Variants in EPB41L5 observed in about 807,000 individuals in gnomAD.
The protein encoded by EPB41L5 is erythrocyte membrane protein band 4.1 like 5.
EPB41L5 carries 55 observed loss-of-function variants against 106.6 expected under a neutral mutation model. The observed-to-expected ratio is 0.52, with a 90% CI of 0.42 to 0.65. The LOEUF (loss-of-function observed/expected upper bound fraction) is 0.65, where lower values mean the gene tolerates loss of function less well. Among genes scored for constraint, EPB41L5 ranks in the 30% least tolerant of loss-of-function variants. EPB41L5 has a pLI of 0.00. For missense variants in EPB41L5, 871 were observed against 882.1 expected, an observed-to-expected ratio of 0.99 and a Z score of 0.16; for synonymous variants, 297 against 306.7, an observed-to-expected ratio of 0.97 and a Z score of 0.33.
chr2:120,164,811 A>G, intron 21 of EPB41L5, 25 bp from the exon 22 acceptor site: 1 of 1,560,410 alleles, frequency 6.4e-7, no homozygotes, highest in Non-Finnish European at 8.7e-7. Context: ...GTCATTTAAC[A>G]ATTCTAGATT....
At chr2:120,140,638 T>C (rs1301224694) in intron 18 of EPB41L5, among the ~76,000 whole-genome samples, 6 of 152,054 alleles carry the variant, frequency 3.9e-5, no homozygotes, top group African/African-American at 1.4e-4. Flanking sequence ...GACATGCTCA[T>C]TGGAGCATTT....
At chr2:120,061,233 T>TA (rs1199119002) in intron 3 of EPB41L5, among the ~76,000 whole-genome samples, 10 of 148,038 alleles carry the variant, frequency 6.8e-5, no homozygotes, top group Middle Eastern at 3.4e-3. Flanking sequence ...TTTTTATTTT[T>TA]TTTTTTTGAG....
chr2:120,164,905 C>T lies in EPB41L5; in HGVS notation c.1957C>T (p.Pro653Ser), dbSNP rs757147154. The change falls in exon 22 of 25, where the codon CCT becomes TCT. Residue 653 changes from proline to serine, a missense_variant. By Grantham distance (74) the Pro-to-Ser change is moderately conservative. Coordinates refer to ENST00000263713, the MANE Select transcript of EPB41L5 (RefSeq NM_020909.4). ...TENLIDHTVA[P>S]QVSSTSMITP... ...GAATCTAATTGATCACACAGTTGCA[C>T]CTCAGGTAAATATGCTTTAAAATAG... 1.2e-6 allele frequency: 2 copies of T among 1,607,270 alleles called. No homozygotes were observed. The highest frequency in any genetic ancestry group is 1.7e-5 in the Admixed American group (1 of 59,144).
chr2:120,106,860 C>T, intron 16 of EPB41L5: 1 of 982,848 alleles, frequency 1.0e-6, no homozygotes, highest in Non-Finnish European at 1.2e-6. Context: ...ATAGGATAAT[C>T]ATAGATAACA....
intron 2 of EPB41L5, among the ~76,000 whole-genome samples, chr2:120,039,689 G>A (rs1446775287): frequency 6.6e-6 from 1 of 152,088 alleles, no homozygotes; most frequent in Non-Finnish European, 1.5e-5. Flanking sequence ...GGTGGGTGTG[G>A]TGGCGCATGC....
At chr2:120,138,581 A>C (rs955655980) in intron 18 of EPB41L5, among the ~76,000 whole-genome samples, 7 of 152,100 alleles carry the variant, frequency 4.6e-5, no homozygotes, top group African/African-American at 1.2e-4. Context: ...AATCCCATTT[A>C]CAATAGCCAC....
In EPB41L5 at chr2:120,100,703, G is replaced by A; in HGVS notation, c.1226G>A (p.Trp409Ter). Residue 409 changes from tryptophan to a stop codon, truncating the protein, a stop_gained, in exon 16 of 25, where the codon TGG becomes TAG. Transcript: ENST00000263713. LOFTEE classifies it high-confidence loss of function. ...STQSNGSQQA[W>*]GMRSALPVSP... ...TTTTATAATTTTTGTCCAAAGGCTT[G>A]GGGGATGAGATCTGCTCTGCCTGTG... The A allele has an allele frequency of 6.2e-7, 1 of 1,612,770 alleles. No homozygotes were observed. Among genetic ancestry groups the A allele is most frequent in the South Asian group, 1.1e-5 (1 of 91,014 alleles).
chr2:120,014,201 G>C (rs1003879188), intron 1 of EPB41L5, among the ~76,000 whole-genome samples: 1 of 152,196 alleles, frequency 6.6e-6, no homozygotes, highest in Admixed American at 6.5e-5. Flanking sequence ...TCATGTAAGA[G>C]TATACATATT....
chr2:120,108,370 TTTTA>T (rs1335006276), intron 16 of EPB41L5: 3 of 152,126 alleles, frequency 2.0e-5, no homozygotes, highest in African/African-American at 7.2e-5. Flanking sequence ...TTGAAGGAAG[TTTTA>T]TTTGTTTTGT....
intron 16 of EPB41L5, among the ~76,000 whole-genome samples, chr2:120,126,277 G>T (rs578167636): frequency 6.6e-6 from 1 of 152,024 alleles, no homozygotes; most frequent in East Asian, 1.9e-4. Context: ...TTTTCATAAT[G>T]GTTCTTTGAC....
chr2:120,122,895 T>C (rs1685289700), intron 16 of EPB41L5, among the ~76,000 whole-genome samples: 1 of 152,170 alleles, frequency 6.6e-6, no homozygotes, highest in Admixed American at 6.5e-5. Context: ...TTCACATGCC[T>C]TTACCCAGGT....
chr2:120,077,431 A>G (rs1574607370), intron 9 of EPB41L5, 115 bp downstream of exon 9: 2 of 655,198 alleles, frequency 3.1e-6, no homozygotes, highest in Non-Finnish European at 5.0e-6. Context: ...AGCACTGGGT[A>G]CTTTGGATGT....
chr2:120,123,798 C>T (rs1354718133), intron 16 of EPB41L5, among the ~76,000 whole-genome samples: 2 of 151,856 alleles, frequency 1.3e-5, no homozygotes, highest in African/African-American at 4.8e-5. Context: ...GCTGGGACTA[C>T]AGGCGTGTGC....
At chr2:120,129,538 C>T (rs1274676548) in intron 17 of EPB41L5, among the ~76,000 whole-genome samples, 1 of 152,076 alleles carries the variant, frequency 6.6e-6, no homozygotes, top group African/African-American at 2.4e-5. Flanking sequence ...TTACATTCCA[C>T]TTGATATCCA....
chr2:120,039,468 A>T (rs1247681534), intron 2 of EPB41L5, among the ~76,000 whole-genome samples: 1 of 152,152 alleles, frequency 6.6e-6, no homozygotes, highest in African/African-American at 2.4e-5. Context: ...AGTGAGGCTG[A>T]TGTCTGTGAA....
intron 16 of EPB41L5, among the ~76,000 whole-genome samples, chr2:120,122,068 G>T (rs574408827): frequency 6.6e-6 from 1 of 152,164 alleles, no homozygotes; most frequent in Non-Finnish European, 1.5e-5. Flanking sequence ...GTAGATTCTG[G>T]ATATTAGCCC....
rs1247965165 is a variant in EPB41L5 at position 120,177,141 on chromosome 2, T to TC, written c.*2236dup. The TC allele has an allele frequency of 6.6e-6, 1 of 152,250 alleles. No homozygotes were observed. The allele number at this position is 152,250 out of a possible 1,614,324, so 9.4% of individuals were successfully genotyped here. A position where few individuals can be genotyped will look rare whatever the true frequency, so the allele number is the denominator to read the frequency against. On this transcript the variant is annotated 3_prime_UTR_variant, in exon 25 of 25. Coordinates refer to ENST00000263713, the MANE Select transcript of EPB41L5 (RefSeq NM_020909.4). ...TGCGCAGAGCTGCTGTAACAGCTCTTCCTGTTCTGCTCCCCTGAGAACAGT... is the reference window on the plus strand; with the variant it reads ...TGCGCAGAGCTGCTGTAACAGCTCTTCCCTGTTCTGCTCCCCTGAGAACAGT...
intron 14 of EPB41L5, among the ~76,000 whole-genome samples, chr2:120,095,962 G>A (rs908061780): frequency 9.2e-5 from 14 of 151,946 alleles, no homozygotes; most frequent in Non-Finnish European, 8.8e-5. Context: ...GAACCACCAC[G>A]CCCAGCCGGC....
Position 120,041,996 on chromosome 2 carries a change from G to C in EPB41L5, c.181-10G>C. 3 of 1,596,502 alleles carry C rather than the reference G, an allele frequency of 1.9e-6. No homozygotes were observed. Among genetic ancestry groups the C allele is most frequent in the Non-Finnish European group, 2.6e-6 (3 of 1,166,574 alleles). ...CACTTATTGATTTACTTATTATCTT[G>C]CCATTTCAGAAAAAAGCCAAAGGAC... is the stretch of plus-strand genomic sequence containing the variant. On this transcript the variant is annotated splice_polypyrimidine_tract_variant and intron_variant, in intron 2 of 24. Coordinates refer to ENST00000263713, the MANE Select transcript of EPB41L5 (RefSeq NM_020909.4).
Sources: gnomAD v4.1 joint callset for allele counts (sites outside exome capture counted in the v4.1 genomes callset) on GRCh38, gnomAD v4.1.1 for gene constraint, MANE v1.5 for transcripts, NCBI Gene and HGNC (gene_info 2026-07-23, HGNC 2026-07-21) for gene names.